The following SPECC1L variants were observed in gnomAD, a reference collection of about 807,000 sequenced individuals.
SPECC1L encodes the protein sperm antigen with calponin homology and coiled-coil domains 1 like, also known as cytospin-A.
Under a neutral mutation model 116.8 loss-of-function variants are expected in SPECC1L, and 40 were observed. That is an observed-to-expected ratio of 0.34 (90% confidence interval 0.27 to 0.45). SPECC1L has a LOEUF of 0.45. Among genes scored for constraint, SPECC1L ranks in the 20% least tolerant of loss-of-function variants. The pLI is 1.00. For missense variants in SPECC1L, 1,110 were observed against 1,373.6 expected, an observed-to-expected ratio of 0.81 and a Z score of 3.03; for synonymous variants, 504 against 500.6, an observed-to-expected ratio of 1.01 and a Z score of -0.09.
chr22:24,371,121 AAG>A (rs964047129), intron 14 of SPECC1L, among the ~76,000 whole-genome samples: 61 of 152,184 alleles, frequency 4.0e-4, no homozygotes, highest in African/African-American at 1.4e-3. Context: ...AAAAAAAAGA[AAG>A]ATTGAGATAA....
At chr22:24,338,934 A>T (rs2041117416) in intron 10 of SPECC1L, among the ~76,000 whole-genome samples, 1 of 152,262 alleles carries the variant, frequency 6.6e-6, no homozygotes, top group South Asian at 2.1e-4. Context: ...ACACTAAGAC[A>T]CAAAGGTGTC....
chr22:24,403,898 T>G (rs1030159288), intron 14 of SPECC1L, among the ~76,000 whole-genome samples: 19 of 152,228 alleles, frequency 1.2e-4, no homozygotes, highest in Non-Finnish European at 7.3e-5. Context: ...GAGGAACCCT[T>G]CAGCCCAGGA....
chr22:24,317,128 CG>C lies in SPECC1L; in HGVS notation c.307+3668del, dbSNP rs546625805. ...CTCCTGGACGGGGCGGCTGGCTGGG[CG>C]GGGGGCTGACCCCCCTACCTCCCTC... On this transcript the variant is annotated intron_variant, in intron 4 of 16. Coordinates refer to ENST00000314328, the MANE Select transcript of SPECC1L (RefSeq NM_015330.6). Among the ~76,000 whole-genome samples the C allele has an allele frequency of 1.8e-3, 190 of 106,338 alleles. 10 individuals are homozygous for C. In the South Asian group the frequency reaches 0.061, roughly 34 times the overall value. The allele number at this position is 106,338 out of a possible 152,430, so 69.8% of individuals were successfully genotyped here. A position where few individuals can be genotyped will look rare whatever the true frequency, so the allele number is the denominator to read the frequency against.
At chr22:24,312,960 C>G (rs1381871682) in intron 3 of SPECC1L, among the ~76,000 whole-genome samples, 1 of 152,192 alleles carries the variant, frequency 6.6e-6, no homozygotes, top group Non-Finnish European at 1.5e-5. Context: ...AAGGATATTT[C>G]TTTCTAGAAA....
At chr22:24,300,144 C>T (rs891501020) in intron 2 of SPECC1L, among the ~76,000 whole-genome samples, 5 of 152,170 alleles carry the variant, frequency 3.3e-5, no homozygotes, top group Admixed American at 6.5e-5. Flanking sequence ...CGTTCCCCAC[C>T]CCACAACAGG....
In SPECC1L at chr22:24,405,838, C is replaced by CAAAA. The variant is rs35648769; in HGVS notation, c.3088-5738_3088-5735dup. 2.5e-3 allele frequency among the ~76,000 whole-genome samples: 336 copies of CAAAA among 136,502 alleles called. 1 individual carries two copies. The highest frequency in any genetic ancestry group is 8.5e-3 in the African/African-American group (311 of 36,448). 89.6% of individuals were successfully genotyped at this position (136,502 alleles called of 152,430 possible). A position where few individuals can be genotyped will look rare whatever the true frequency, so the allele number is the denominator to read the frequency against. On this transcript the variant is annotated intron_variant, in intron 14 of 16. Transcript: ENST00000314328. The stretch of plus-strand genomic sequence containing the variant: ...TGGGCAACAGAGCGAGACTCTGCCT[C>CAAAA]AAAAAAAAAAAAAAAGTACTTTACA...
At chr22:24,400,339 T>C (rs2042449060) in intron 14 of SPECC1L, among the ~76,000 whole-genome samples, 1 of 152,248 alleles carries the variant, frequency 6.6e-6, no homozygotes, top group African/African-American at 2.4e-5. Flanking sequence ...GCCTTTTGTG[T>C]CTAACTTTCA....
intron 14 of SPECC1L, among the ~76,000 whole-genome samples, chr22:24,393,021 G>A (rs2042301318): frequency 6.6e-6 from 1 of 152,208 alleles, no homozygotes; most frequent in African/African-American, 2.4e-5. Context: ...ACAGGCATAA[G>A]CCACCCCACC....
In SPECC1L at chr22:24,295,855, G is replaced by A. The variant is rs374803715; in HGVS notation, c.-37-6340G>A. Among the ~76,000 whole-genome samples, 10 of 152,230 alleles carry A rather than the reference G, an allele frequency of 6.6e-5. No individual in the cohort carries two copies. In the South Asian group the frequency reaches 2.1e-3, roughly 32 times the overall value. On this transcript the variant is annotated intron_variant, in intron 2 of 16. Coordinates refer to ENST00000314328, the MANE Select transcript of SPECC1L (RefSeq NM_015330.6). ...CCCACCTACTCGGGAGGCTGAGGGA[G>A]GAGAATCACTTGAACCCGGGAGGCA...
intron 14 of SPECC1L, among the ~76,000 whole-genome samples, chr22:24,379,758 C>A (rs1425661935): frequency 6.6e-6 from 1 of 152,162 alleles, no homozygotes; most frequent in Non-Finnish European, 1.5e-5. Context: ...CTTTTGTTTC[C>A]TGTGAGACAG....
At chr22:24,389,943 T>C (rs78728817) in intron 14 of SPECC1L, among the ~76,000 whole-genome samples, 6,363 of 152,166 alleles carry the variant, frequency 0.042, 448 homozygotes, top group African/African-American at 0.14. Flanking sequence ...TAGATTCTTA[T>C]ATAAAGGTGA....
At chr22:24,377,659 G>A (rs1601311954) in intron 14 of SPECC1L, among the ~76,000 whole-genome samples, 1 of 152,128 alleles carries the variant, frequency 6.6e-6, no homozygotes, top group South Asian at 2.1e-4. Context: ...CTTGATCTAT[G>A]AGCTGCAGAA....
intron 2 of SPECC1L, among the ~76,000 whole-genome samples, chr22:24,292,119 C>T (rs1382176475): frequency 6.6e-6 from 1 of 152,144 alleles, no homozygotes; most frequent in African/African-American, 2.4e-5. Flanking sequence ...CACCCTGTGC[C>T]AGGGCTGAAG....
intron 3 of SPECC1L, among the ~76,000 whole-genome samples, chr22:24,307,972 A>T (rs2049535054): frequency 1.3e-5 from 2 of 152,126 alleles, no homozygotes; most frequent in African/African-American, 4.8e-5. Context: ...GACTAGTACT[A>T]AGAATTCCAG....
Position 24,401,284 on chromosome 22 carries a change from C to T in SPECC1L, c.3088-10304C>T, listed in dbSNP as rs945215236. Among the ~76,000 whole-genome samples, 3 of 152,118 alleles carry T rather than the reference C, an allele frequency of 2.0e-5. 1 individual carries two copies. On this transcript the variant is annotated intron_variant, in intron 14 of 16. Transcript: ENST00000314328. ...TTGATTGTGCATCCTACAGAGTGACCCACAGTTCAGATTCTGTTGGTTCCT... is the reference window on the plus strand; with the variant it reads ...TTGATTGTGCATCCTACAGAGTGACTCACAGTTCAGATTCTGTTGGTTCCT...
intron 14 of SPECC1L, among the ~76,000 whole-genome samples, chr22:24,381,667 G>A (rs2042064461): frequency 6.6e-6 from 1 of 152,074 alleles, no homozygotes; most frequent in Admixed American, 6.6e-5. Context: ...GGCGGATCAC[G>A]AGATCAGGAG....
chr22:24,273,608 G>C (rs996575411), intron 1 of SPECC1L, among the ~76,000 whole-genome samples: 3 of 152,106 alleles, frequency 2.0e-5, no homozygotes, highest in African/African-American at 7.2e-5. Flanking sequence ...CTGTTAAGAA[G>C]ATTCAAATAT....
rs1032125280 is a variant in SPECC1L at position 24,329,027 on chromosome 22, A to C, written c.2220+108A>C. 1.1e-5 allele frequency: 9 copies of C among 844,170 alleles called. No individual in the cohort carries two copies. In the African/African-American group the frequency reaches 1.4e-4, roughly 13 times the overall value. 52.3% of individuals were successfully genotyped at this position (844,170 alleles called of 1,614,324 possible). A position where few individuals can be genotyped will look rare whatever the true frequency, so the allele number is the denominator to read the frequency against. On this transcript the variant is annotated intron_variant, in intron 7 of 16. Coordinates refer to ENST00000314328, the MANE Select transcript of SPECC1L (RefSeq NM_015330.6). ...ATCTTAAGTTTTGGATACAGTGATAATACTGGCCCCATTGGGCTTTGGGCA... is the reference window on the plus strand; with the variant it reads ...ATCTTAAGTTTTGGATACAGTGATACTACTGGCCCCATTGGGCTTTGGGCA...
At chr22:24,386,175 A>C (rs570549784) in intron 14 of SPECC1L, among the ~76,000 whole-genome samples, 1 of 152,196 alleles carries the variant, frequency 6.6e-6, no homozygotes, top group East Asian at 1.9e-4. Context: ...AGGGACTTTT[A>C]AAAAGATGAT....
Sources: gnomAD v4.1 joint callset for allele counts (sites outside exome capture counted in the v4.1 genomes callset) on GRCh38, gnomAD v4.1.1 for gene constraint, MANE v1.5 for transcripts, NCBI Gene and HGNC (gene_info 2026-07-23, HGNC 2026-07-21) for gene names.